TMEM186: variants seen among roughly 807,000 people sequenced by gnomAD.
The protein encoded by TMEM186 is transmembrane protein 186.
In TMEM186, 2 loss-of-function variants were observed where a neutral mutation model predicts 2.5. The ratio of observed to expected loss-of-function variants is 0.79; its 90% CI spans 0.32 to 2.50. The LOEUF is 2.50. TMEM186 is among the 30% of genes most tolerant of loss of function. TMEM186 has a pLI of 0.11. For synonymous variants in TMEM186, 120 were observed against 104.9 expected, an observed-to-expected ratio of 1.14 and a Z score of -0.88; for missense variants, 321 against 276.5, an observed-to-expected ratio of 1.16 and a Z score of -1.14.
At position 8,796,423 on chromosome 16, in the gene TMEM186, C is replaced by T. The variant is rs746207141; in HGVS notation, c.171G>A (p.Trp57Ter). Residue 57 changes from tryptophan to a stop codon, truncating the protein, a stop_gained, in exon 2 of 2, where the codon TGG becomes TGA. Coordinates refer to ENST00000333050, the MANE Select transcript of TMEM186 (RefSeq NM_015421.4). LOFTEE classifies it low-confidence loss of function (END_TRUNC). ...TGATGGCATCAAAACGGTAAAACAT[C>T]CAGAATTTCTCAGTCTCTGCGTTTG... ...KLPNAETEKFWMFYRFDAIRT... is the reference protein window; with the variant it reads ...KLPNAETEKF The T allele has an allele frequency of 6.2e-7, 1 of 1,614,186 alleles. No homozygotes were observed. The highest frequency in any genetic ancestry group is 8.5e-7 in the Non-Finnish European group (1 of 1,180,036).
rs376709633 is a variant in TMEM186, at chr16:8,797,594, C to T, written c.3+18G>A. The T allele has an allele frequency of 4.4e-6, 7 of 1,601,986 alleles. No individual in the cohort carries two copies. In the African/African-American group the frequency reaches 8.1e-5, roughly 18 times the overall value. On this transcript the variant is annotated intron_variant, in intron 1 of 1. Coordinates refer to ENST00000333050, the MANE Select transcript of TMEM186 (RefSeq NM_015421.4). Reference sequence around the variant, plus strand: ...CAAAGAGCATCACCCCCTCAAGGCTCGCCACCCGCCTCCTTACCATGGCCC... The same window carrying T: ...CAAAGAGCATCACCCCCTCAAGGCTTGCCACCCGCCTCCTTACCATGGCCC...
chr16:8,795,698 C>A lies in TMEM186; in HGVS notation c.*254G>T. ...GCATAGGTTCTTCTAAGAACTGGCT[C>A]TTAACAAAAACTTCTGGCCATTATC... On this transcript the variant is annotated 3_prime_UTR_variant, in exon 2 of 2. Transcript: ENST00000333050. 1 of 462,420 alleles carries A rather than the reference C, an allele frequency of 2.2e-6. No individual in the cohort carries two copies. The highest frequency in any genetic ancestry group is 3.7e-5 in the South Asian group (1 of 27,158). The allele number at this position is 462,420 out of a possible 1,614,324, so 28.6% of individuals were successfully genotyped here. A position where few individuals can be genotyped will look rare whatever the true frequency, so the allele number is the denominator to read the frequency against.
At position 8,796,232 on chromosome 16, in the gene TMEM186, C is replaced by G. The variant is rs1212408771; in HGVS notation, c.362G>C (p.Ser121Thr). 4 of 1,614,206 alleles carry G rather than the reference C, an allele frequency of 2.5e-6. No homozygotes were observed. Among genetic ancestry groups the G allele is most frequent in the Non-Finnish European group, 3.4e-6 (4 of 1,180,046 alleles). The change falls in exon 2 of 2, where the codon AGC (serine) becomes ACC (threonine). Residue 121 changes from serine (S) to threonine (T), a missense_variant. Physicochemically the swap from Ser to Thr is moderately conservative, Grantham distance 58. Coordinates refer to ENST00000333050, the MANE Select transcript of TMEM186 (RefSeq NM_015421.4). The part of the protein sequence containing the change: ...GFALTMLCWM[S>T]YFLRRLVGIL... ...ACCAACCAGTCTCCGTAAGAAATAGCTCATCCAGCACAGCATGGTCAGGGC... is the reference window on the plus strand; with the variant it reads ...ACCAACCAGTCTCCGTAAGAAATAGGTCATCCAGCACAGCATGGTCAGGGC...
chr16:8,797,320 C>T (rs2141013585), intron 1 of TMEM186, among the ~76,000 whole-genome samples: 1 of 152,296 alleles, frequency 6.6e-6, no homozygotes, highest in South Asian at 2.1e-4. Flanking sequence ...TCGGTTTCTT[C>T]GCCTTTCAAA....
At position 8,795,295 on chromosome 16, in the gene TMEM186, C is replaced by G. The variant is rs3760026; in HGVS notation, c.*657G>C. 0.11 allele frequency: 16,988 copies of G among 152,326 alleles called. 1,170 individuals carry two copies. Among genetic ancestry groups the G allele is most frequent in the East Asian group, 0.22 (1,115 of 5,166 alleles). The allele number at this position is 152,326 out of a possible 1,614,324, so 9.4% of individuals were successfully genotyped here. On this transcript the variant is annotated 3_prime_UTR_variant, in exon 2 of 2. Transcript: ENST00000333050. ...CGTGCCTACCTGGACGACATCTGCT[C>G]GTCAATGTGTAGTTAACATCCTGAC...
In TMEM186 at chr16:8,796,439, T is replaced by C; in HGVS notation, c.155A>G (p.Glu52Gly). 2.5e-6 allele frequency: 4 copies of C among 1,614,244 alleles called. No individual in the cohort carries two copies. Among genetic ancestry groups the C allele is most frequent in the Non-Finnish European group, 3.4e-6 (4 of 1,180,042 alleles). Residue 52 changes from glutamate to glycine, a missense_variant, in exon 2 of 2, where the codon GAG becomes GGG. By Grantham distance (98) the Glu-to-Gly change is moderately conservative. Transcript: ENST00000333050. ...GTAAAACATCCAGAATTTCTCAGTC[T>C]CTGCGTTTGGTAGTTTCTCCTTCGA... ...PISKEKLPNA[E>G]TEKFWMFYRF...
chr16:8,797,087 CTGTT>C (rs2060581476), intron 1 of TMEM186, among the ~76,000 whole-genome samples: 1 of 152,142 alleles, frequency 6.6e-6, no homozygotes, highest in African/African-American at 2.4e-5. Flanking sequence ...TTCTAATTCT[CTGTT>C]TGATTCATAT....
At position 8,795,914 on chromosome 16, in the gene TMEM186, G is replaced by A; in HGVS notation, c.*38C>T. On this transcript the variant is annotated 3_prime_UTR_variant, in exon 2 of 2. Transcript: ENST00000333050. ...ACCCTCAGCCTTCCTGTTAATCCAG[G>A]CGACCCAGGGTTACCCAGAGGTCCA... 5.7e-6 allele frequency: 9 copies of A among 1,576,216 alleles called. No homozygotes were observed. The highest frequency in any genetic ancestry group is 6.9e-6 in the Non-Finnish European group (8 of 1,158,610).
At position 8,795,996 on chromosome 16, in the gene TMEM186, C is replaced by T. The variant is rs770879981; in HGVS notation, c.598G>A (p.Glu200Lys). Residue 200 changes from glutamate (E) to lysine (K), a missense_variant, in exon 2 of 2, where the codon GAG becomes AAG. By Grantham distance (56) the Glu-to-Lys change is moderately conservative. Transcript: ENST00000333050. ...TLRYGRILDR[E>K]RFTQVFGVHQ... ...ACCCCAAACACCTGTGTGAAACGCT[C>T]TCTGTCCAGGATGCGTCCATAGCGC... is the stretch of plus-strand genomic sequence containing the variant. 4.3e-6 allele frequency: 7 copies of T among 1,614,176 alleles called. No individual in the cohort carries two copies. Among genetic ancestry groups the T allele is most frequent in the East Asian group, 2.2e-5 (1 of 44,882 alleles).
At position 8,797,626 on chromosome 16, in the gene TMEM186, C is replaced by G; in HGVS notation, c.-12G>C. 6.2e-7 allele frequency: 1 copy of G among 1,603,986 alleles called. No individual in the cohort carries two copies. Among genetic ancestry groups the G allele is most frequent in the South Asian group, 1.1e-5 (1 of 89,408 alleles). On this transcript the variant is annotated 5_prime_UTR_variant, in exon 1 of 2. Transcript: ENST00000333050. ...CGCCTCCTTACCATGGCCCCACCACCTGCTGCCGGAAGTAAATCCCACCGG... is the reference window on the plus strand; with the variant it reads ...CGCCTCCTTACCATGGCCCCACCACGTGCTGCCGGAAGTAAATCCCACCGG...
At chr16:8,797,057 G>C (rs185508123) in intron 1 of TMEM186, among the ~76,000 whole-genome samples, 1 of 152,206 alleles carries the variant, frequency 6.6e-6, no homozygotes, top group Non-Finnish European at 1.5e-5. Flanking sequence ...AAATCTGTGA[G>C]ATATTTATTC....
At chr16:8,797,464 C>A (rs2060584144) in intron 1 of TMEM186, 148 bp downstream of exon 1, 3 of 1,079,534 alleles carry the variant, frequency 2.8e-6, no homozygotes, top group Non-Finnish European at 2.7e-6. Context: ...CAAGAGAAAG[C>A]CCGGGAAAAG....
Position 8,795,904 on chromosome 16 carries a change from G to A in TMEM186, c.*48C>T. On this transcript the variant is annotated 3_prime_UTR_variant, in exon 2 of 2. Coordinates refer to ENST00000333050, the MANE Select transcript of TMEM186 (RefSeq NM_015421.4). ...CCTTGCCCACACCCTCAGCCTTCCT[G>A]TTAATCCAGGCGACCCAGGGTTACC... The A allele has an allele frequency of 1.3e-6, 2 of 1,570,154 alleles. No homozygotes were observed. The highest frequency in any genetic ancestry group is 1.7e-6 in the Non-Finnish European group (2 of 1,155,930).
chr16:8,796,603 C>T lies in TMEM186; in HGVS notation c.4-13G>A, dbSNP rs372431421. 30 of 1,605,792 alleles carry T rather than the reference C, an allele frequency of 1.9e-5. No homozygotes were observed. The highest frequency in any genetic ancestry group is 2.2e-5 in the Non-Finnish European group (26 of 1,176,518). ...GGAGAAGGGCAGCCTGAAAGGGAGA[C>T]AGTAGACCATTTCTCTCATGGAACT... On this transcript the variant is annotated splice_polypyrimidine_tract_variant and intron_variant, in intron 1 of 1. Coordinates refer to ENST00000333050, the MANE Select transcript of TMEM186 (RefSeq NM_015421.4).
rs202194402 is a variant in TMEM186 at position 8,795,937 on chromosome 16, C to T, written c.*15G>A. Reference sequence around the variant, plus strand: ...AGGCGACCCAGGGTTACCCAGAGGTCCAGGTCCCAGTTGTTCACTTGAGCA... The same window carrying T: ...AGGCGACCCAGGGTTACCCAGAGGTTCAGGTCCCAGTTGTTCACTTGAGCA... On this transcript the variant is annotated 3_prime_UTR_variant, in exon 2 of 2. Transcript: ENST00000333050. 3.1e-5 allele frequency: 50 copies of T among 1,601,778 alleles called. No homozygotes were observed. The East Asian group carries it at 1.1e-3, about 36-fold the overall frequency.
At position 8,796,375 on chromosome 16, in the gene TMEM186, T is replaced by C; in HGVS notation, c.219A>G (p.Arg73=). ...TCAGGGCAGTCTGTGCCAACTTCAG[T>C]CGTGACAGGAACCCGAAGGTTCTGA... ...DAIRTFGFLS[R]LKLAQTALTV... is the part of the protein sequence containing the mutation. Residue 73 remains arginine (R), a synonymous_variant, in exon 2 of 2, where the codon CGA becomes CGG. Coordinates refer to ENST00000333050, the MANE Select transcript of TMEM186 (RefSeq NM_015421.4). 6.2e-7 allele frequency: 1 copy of C among 1,614,166 alleles called. No homozygotes were observed. Among genetic ancestry groups the C allele is most frequent in the South Asian group, 1.1e-5 (1 of 91,078 alleles).
In TMEM186 at chr16:8,796,245, G is replaced by A; in HGVS notation, c.349C>T (p.Leu117=). ...SGISGFALTM[L]CWMSYFLRRL... is the part of the protein sequence containing the mutation. ...CGTAAGAAATAGCTCATCCAGCACA[G>A]CATGGTCAGGGCAAAGCCCGATATC... The change falls in exon 2 of 2, where the codon CTG becomes TTG. Residue 117 remains leucine (L), a synonymous_variant. Coordinates refer to ENST00000333050, the MANE Select transcript of TMEM186 (RefSeq NM_015421.4). 1 of 1,614,202 alleles carries A rather than the reference G, an allele frequency of 6.2e-7. No homozygotes were observed. The highest frequency in any genetic ancestry group is 8.5e-7 in the Non-Finnish European group (1 of 1,180,054).
At chr16:8,797,547 G>T in intron 1 of TMEM186, 65 bp downstream of exon 1, 3 of 1,517,472 alleles carry the variant, frequency 2.0e-6, no homozygotes, top group Non-Finnish European at 2.7e-6. Context: ...GGGCCTGCCC[G>T]CCCCAGCCCT....
In TMEM186 at chr16:8,796,155, A is replaced by G; in HGVS notation, c.439T>C (p.Phe147Leu). 1.9e-6 allele frequency: 3 copies of G among 1,614,196 alleles called. No individual in the cohort carries two copies. Among genetic ancestry groups the G allele is most frequent in the Non-Finnish European group, 2.5e-6 (3 of 1,180,036 alleles). Residue 147 changes from phenylalanine (F) to leucine (L), a missense_variant, in exon 2 of 2, where the codon TTC becomes CTC. Physicochemically the swap from Phe to Leu is conservative, Grantham distance 22. Coordinates refer to ENST00000333050, the MANE Select transcript of TMEM186 (RefSeq NM_015421.4). ...GTMLRVAHLN[F>L]WGWRQDTYCP... ...TATGTGTCCTGCCGCCAGCCCCAGAAGTTCAGATGGGCCACCCGCAGCATG... is the reference window on the plus strand; with the variant it reads ...TATGTGTCCTGCCGCCAGCCCCAGAGGTTCAGATGGGCCACCCGCAGCATG...
Sources: gnomAD v4.1 joint callset for allele counts (sites outside exome capture counted in the v4.1 genomes callset) on GRCh38, gnomAD v4.1.1 for gene constraint, MANE v1.5 for transcripts, NCBI Gene and HGNC (gene_info 2026-07-23, HGNC 2026-07-21) for gene names.